MAP3K4: variants seen among roughly 807,000 people sequenced by gnomAD.
MAP3K4 encodes mitogen-activated protein kinase kinase kinase 4, also known as MAP three kinase 1.
A neutral mutation model predicts 185.6 loss-of-function variants in MAP3K4; 67 were observed. The ratio of observed to expected loss-of-function variants is 0.36; its 90% CI spans 0.30 to 0.44. The LOEUF is 0.44. Ranked by LOEUF, MAP3K4 falls within the 20% of genes least tolerant of loss-of-function variation. The pLI is 1.00. For missense variants in MAP3K4, 1,551 were observed against 1,995.1 expected (o/e 0.78, Z 4.24); for synonymous variants, 702 against 710.4 (o/e 0.99, Z 0.19).
At chr6:161,104,980 T>A (rs1778003502) in intron 19 of MAP3K4, among the ~76,000 whole-genome samples, 1 of 152,326 alleles carries the variant, frequency 6.6e-6, no homozygotes, top group South Asian at 2.1e-4. Flanking sequence ...AAGGATCTCT[T>A]CATCTGAGCC....
intron 2 of MAP3K4, among the ~76,000 whole-genome samples, chr6:161,035,340 T>C (rs1783117258): frequency 6.6e-6 from 1 of 152,224 alleles, no homozygotes; most frequent in Non-Finnish European, 1.5e-5. Flanking sequence ...CTGTAGTCTG[T>C]GTTCATTCTT....
chr6:161,030,790 C>T (rs1284099791), intron 1 of MAP3K4, among the ~76,000 whole-genome samples: 3 of 152,086 alleles, frequency 2.0e-5, no homozygotes, highest in Admixed American at 1.3e-4. Flanking sequence ...AAGAAAGTTT[C>T]TTTAAATACT....
intron 1 of MAP3K4, among the ~76,000 whole-genome samples, chr6:161,015,986 A>G (rs1782086904): frequency 2.0e-5 from 3 of 152,192 alleles, no homozygotes; most frequent in African/African-American, 7.2e-5. Flanking sequence ...CCTTTTGGTT[A>G]TTATAAATAA....
chr6:161,104,381 T>C (rs1313995370), intron 19 of MAP3K4, among the ~76,000 whole-genome samples: 1 of 139,308 alleles, frequency 7.2e-6, no homozygotes, highest in African/African-American at 2.8e-5. Flanking sequence ...GCCATCACAC[T>C]CTAGCCTGGG....
Position 161,070,559 on chromosome 6 carries a change from G to A in MAP3K4, c.1708-49G>A, listed in dbSNP as rs767721875. The A allele has an allele frequency of 2.3e-5, 36 of 1,567,544 alleles. No homozygotes were observed. Among genetic ancestry groups the A allele is most frequent in the Admixed American group, 3.6e-5 (2 of 55,708 alleles). On this transcript the variant is annotated intron_variant, in intron 3 of 26. Coordinates refer to ENST00000392142, the MANE Select transcript of MAP3K4 (RefSeq NM_005922.4). The surrounding 1 kb of genome is among the most constrained non-coding windows in gnomAD (Gnocchi z 4.5). The stretch of plus-strand genomic sequence containing the variant: ...GAGTTTATAACCACAACCGTAGAAC[G>A]TTGTCTCGTATGCTCTTTTAATCTG...
chr6:161,028,522 A>G (rs922093531), intron 1 of MAP3K4, among the ~76,000 whole-genome samples: 1 of 152,222 alleles, frequency 6.6e-6, no homozygotes, highest in Non-Finnish European at 1.5e-5. Context: ...TGTTTATTCA[A>G]TCAGCAAGTA....
At position 161,089,432 on chromosome 6, in the gene MAP3K4, C is replaced by T. The variant is rs1413878196; in HGVS notation, c.2934C>T (p.Ser978=). The T allele has an allele frequency of 6.2e-7, 1 of 1,614,202 alleles. No homozygotes were observed. The highest frequency in any genetic ancestry group is 1.1e-5 in the South Asian group (1 of 91,084). Residue 978 remains serine (S), a synonymous_variant, in exon 11 of 27, where the codon TCC becomes TCT. Transcript: ENST00000392142. Reference sequence around the variant, plus strand: ...TGACTCTGTGCCAGGAGCAGACATCCAGTCAGCCGGTCATCGCCAAAGCTT... The same window carrying T: ...TGACTCTGTGCCAGGAGCAGACATCTAGTCAGCCGGTCATCGCCAAAGCTT... ...GLMTLCQEQT[S]SQPVIAKALQ... is the part of the protein sequence containing the mutation.
At position 161,088,346 on chromosome 6, in the gene MAP3K4, C is replaced by A. The variant is rs951244959; in HGVS notation, c.2823+392C>A. ...TAATTTTTTGTAGTGAAGGCTATCC[C>A]CTCCCTACCTAACAGGGACCTCGTG... is the stretch of plus-strand genomic sequence containing the variant. On this transcript the variant is annotated intron_variant, in intron 10 of 26. Transcript: ENST00000392142. This position sits in a 1 kb window ranked among gnomAD's most constrained non-coding sequence, Gnocchi z 4.5. Among the ~76,000 whole-genome samples the A allele has an allele frequency of 2.0e-5, 3 of 152,078 alleles. No homozygotes were observed. The highest frequency in any genetic ancestry group is 7.2e-5 in the African/African-American group (3 of 41,398).
intron 3 of MAP3K4, among the ~76,000 whole-genome samples, chr6:161,069,817 A>G (rs1197060833): frequency 2.6e-5 from 4 of 152,056 alleles, no homozygotes; most frequent in South Asian, 2.1e-4. Flanking sequence ...AATAGCTCCC[A>G]TGGAGCAGGG....
chr6:161,027,262 G>A (rs564463185), intron 1 of MAP3K4, among the ~76,000 whole-genome samples: 1 of 152,284 alleles, frequency 6.6e-6, no homozygotes, highest in East Asian at 1.9e-4. Context: ...TACTTAACAA[G>A]AGTTTCTGGT....
In MAP3K4 at chr6:161,111,933, A is replaced by G; in HGVS notation, c.4494A>G (p.Glu1498=). The change falls in exon 24 of 27, where the codon GAA becomes GAG. Residue 1498 remains glutamate, a synonymous_variant. Coordinates refer to ENST00000392142, the MANE Select transcript of MAP3K4 (RefSeq NM_005922.4). ...ACAATGCCCAGACCATGCCTGGTGA[A>G]GTGAACAGCACCCTGGGGACAGCAG... The part of the protein sequence containing the change: ...LKNNAQTMPG[E]VNSTLGTAAY... The G allele has an allele frequency of 6.2e-7, 1 of 1,614,194 alleles. No individual in the cohort carries two copies. Among genetic ancestry groups the G allele is most frequent in the Non-Finnish European group, 8.5e-7 (1 of 1,180,022 alleles).
At chr6:161,030,416 AT>A (rs939186306) in intron 1 of MAP3K4, among the ~76,000 whole-genome samples, 13 of 151,402 alleles carry the variant, frequency 8.6e-5, no homozygotes, top group South Asian at 2.1e-4. Context: ...TGGATCATAT[AT>A]TTTTTTCTTT....
intron 1 of MAP3K4, among the ~76,000 whole-genome samples, chr6:161,011,603 A>G (rs553877085): frequency 3.3e-5 from 5 of 152,346 alleles, no homozygotes; most frequent in African/African-American, 9.6e-5. Context: ...AGAAACCGTC[A>G]TGAAAGTTCA....
Position 161,086,740 on chromosome 6 carries a change from T to A in MAP3K4, c.2556+73T>A. The A allele has an allele frequency of 8.1e-7, 1 of 1,228,158 alleles. No individual in the cohort carries two copies. The highest frequency in any genetic ancestry group is 1.2e-6 in the Non-Finnish European group (1 of 852,300). 76.1% of individuals were successfully genotyped at this position (1,228,158 alleles called of 1,614,324 possible). On this transcript the variant is annotated intron_variant, in intron 9 of 26. Coordinates refer to ENST00000392142, the MANE Select transcript of MAP3K4 (RefSeq NM_005922.4). The surrounding 1 kb of genome is among the most constrained non-coding windows in gnomAD (Gnocchi z 4.8). Reference sequence around the variant, plus strand: ...TATTCTAAAACAGGCAGACTTTTTCTTGAAGGTCCAGATAGTAAATATTAC... The same window carrying A: ...TATTCTAAAACAGGCAGACTTTTTCATGAAGGTCCAGATAGTAAATATTAC...
rs1225549653 is a variant in MAP3K4, at chr6:161,073,217, T to C, written c.1951-249T>C. On this transcript the variant is annotated intron_variant, in intron 4 of 26. Coordinates refer to ENST00000392142, the MANE Select transcript of MAP3K4 (RefSeq NM_005922.4). The surrounding 1 kb of genome is among the most constrained non-coding windows in gnomAD (Gnocchi z 4.2). ...ATTTTAGCAAAGCAGTAATTGCCTATATGGTATTTTCTCTGTGTATCCATG... is the reference window on the plus strand; with the variant it reads ...ATTTTAGCAAAGCAGTAATTGCCTACATGGTATTTTCTCTGTGTATCCATG... 3 of 324,576 alleles carry C rather than the reference T, an allele frequency of 9.2e-6. No individual in the cohort carries two copies. The highest frequency in any genetic ancestry group is 1.7e-5 in the Non-Finnish European group (3 of 180,916). 20.1% of individuals were successfully genotyped at this position (324,576 alleles called of 1,614,324 possible).
In MAP3K4 at chr6:161,015,044, C is replaced by T. The variant is rs138149832; in HGVS notation, c.153-19215C>T. Among the ~76,000 whole-genome samples the T allele has an allele frequency of 3.9e-4, 59 of 152,228 alleles. 1 individual carries two copies. The highest frequency in any genetic ancestry group is 3.4e-3 in the Middle Eastern group (1 of 294). On this transcript the variant is annotated intron_variant, in intron 1 of 26. Transcript: ENST00000392142. Reference sequence around the variant, plus strand: ...GTTTTTTTGTGACTGGCTTCTTTCACTTAGCGTAAGATTTTCAAGTTTTGT... The same window carrying T: ...GTTTTTTTGTGACTGGCTTCTTTCATTTAGCGTAAGATTTTCAAGTTTTGT...
chr6:160,992,452 C>G (rs1780774251), intron 1 of MAP3K4: 1 of 281,714 alleles, frequency 3.5e-6, no homozygotes, highest in Non-Finnish European at 6.6e-6. Flanking sequence ...CATTACTGAA[C>G]GAAAGTGGTC....
intron 1 of MAP3K4, among the ~76,000 whole-genome samples, chr6:161,014,845 CA>C (rs35670434): frequency 0.093 from 14,080 of 152,212 alleles, 831 homozygotes; most frequent in Non-Finnish European, 0.13. Flanking sequence ...TTACCACAGT[CA>C]ATTTTCAAAC....
rs908564794 is a variant in MAP3K4, at chr6:161,075,354, C to T, written c.2097+1742C>T. Among the ~76,000 whole-genome samples, 10 of 151,966 alleles carry T rather than the reference C, an allele frequency of 6.6e-5. No individual in the cohort carries two copies. Among genetic ancestry groups the T allele is most frequent in the South Asian group, 2.1e-4 (1 of 4,804 alleles). ...AAATTTTTTTGTAGAGTCAGGGTCTCACTATGTTGCCCAGGCTGGTCTTGA... is the reference window on the plus strand; with the variant it reads ...AAATTTTTTTGTAGAGTCAGGGTCTTACTATGTTGCCCAGGCTGGTCTTGA... On this transcript the variant is annotated intron_variant, in intron 5 of 26. Coordinates refer to ENST00000392142, the MANE Select transcript of MAP3K4 (RefSeq NM_005922.4). This position sits in a 1 kb window ranked among gnomAD's most constrained non-coding sequence, Gnocchi z 4.3.
Sources: allele counts gnomAD v4.1 joint callset (sites outside exome capture counted in the v4.1 genomes callset), GRCh38; gene constraint gnomAD v4.1.1; non-coding constraint Gnocchi (gnomAD v3.1); transcripts MANE v1.5; gene names NCBI Gene and HGNC (gene_info 2026-07-23, HGNC 2026-07-21).